ZNF577: variants seen among roughly 807,000 people sequenced by gnomAD.
The protein encoded by ZNF577 is zinc finger protein 577.
A neutral mutation model predicts 13.9 loss-of-function variants in ZNF577; 14 were observed. That is an observed-to-expected ratio of 1.00 (90% CI 0.66 to 1.57). The LOEUF is 1.57. Ranked by LOEUF, ZNF577 falls within the 40% of genes most tolerant of loss-of-function variation. ZNF577 has a pLI of 0.00. For missense variants in ZNF577, 555 were observed against 579.2 expected, an observed-to-expected ratio of 0.96 and a Z score of 0.43; for synonymous variants, 203 against 202.9, an observed-to-expected ratio of 1.00 and a Z score of 0.00.
At chr19:51,815,853 C>T (rs1246278060) in intron 9 of ZNF577, among the ~76,000 whole-genome samples, 1 of 146,374 alleles carries the variant, frequency 6.8e-6, no homozygotes. Context: ...TAGAATGAGA[C>T]CCTGTCTCAA....
At chr19:51,881,389 A>C (rs2084859513) in intron 1 of ZNF577, among the ~76,000 whole-genome samples, 1 of 151,802 alleles carries the variant, frequency 6.6e-6, no homozygotes, top group South Asian at 2.1e-4. Context: ...CATGCTCCTA[A>C]ATTTTTGGTT....
intron 9 of ZNF577, among the ~76,000 whole-genome samples, chr19:51,817,025 T>C (rs1475933686): frequency 6.6e-6 from 1 of 152,192 alleles, no homozygotes; most frequent in East Asian, 1.9e-4. Context: ...GACTCTCATA[T>C]TCCTTGACCC....
rs571479735 is a variant in ZNF577, at chr19:51,884,228, A to G, written c.-219+2593T>C. 4.6e-5 allele frequency among the ~76,000 whole-genome samples: 7 copies of G among 152,340 alleles called. No individual in the cohort carries two copies. In the South Asian group the frequency reaches 8.3e-4, roughly 18 times the overall value. On this transcript the variant is annotated intron_variant, in intron 1 of 5. Coordinates refer to ENST00000638348, the MANE Select transcript of ZNF577 (RefSeq NM_001370449.1). ...GGAGTTCAAGACCAGCCTGGGCAACATAGCAAGATCCTGTCTGTAAAAGAA... is the reference window on the plus strand; with the variant it reads ...GGAGTTCAAGACCAGCCTGGGCAACGTAGCAAGATCCTGTCTGTAAAAGAA...
At chr19:51,883,106 C>A (rs1259469185) in intron 1 of ZNF577, among the ~76,000 whole-genome samples, 1 of 151,616 alleles carries the variant, frequency 6.6e-6, no homozygotes, top group Non-Finnish European at 1.5e-5. Flanking sequence ...CAATTCTCTG[C>A]CTCAGCCTCC....
At chr19:51,875,496 A>C (rs549866958) in intron 5 of ZNF577, among the ~76,000 whole-genome samples, 26 of 152,316 alleles carry the variant, frequency 1.7e-4, no homozygotes, top group African/African-American at 6.3e-4. Context: ...ACGTGATCAA[A>C]TGCACAGATG....
rs7256273 is a variant in ZNF577 at position 51,871,124 on chromosome 19, G to A, written c.*1408C>T. 0.18 allele frequency among the ~76,000 whole-genome samples: 27,421 copies of A among 151,856 alleles called. 3,023 individuals are homozygous for A. The highest frequency in any genetic ancestry group is 0.33 in the South Asian group (1,611 of 4,816). On this transcript the variant is annotated 3_prime_UTR_variant, in exon 6 of 6. Coordinates refer to ENST00000638348, the MANE Select transcript of ZNF577 (RefSeq NM_001370449.1). ...AGTTTCTTTTCCCCCCTTTTTTAGA[G>A]TCAGAGTCTTATTCTGTCACCCACG... is the stretch of plus-strand genomic sequence containing the variant.
chr19:51,857,221 C>T (rs1404635175), intron 5 of ZNF577, among the ~76,000 whole-genome samples: 2 of 152,048 alleles, frequency 1.3e-5, no homozygotes, highest in East Asian at 3.9e-4. Flanking sequence ...ATCGCTTGAA[C>T]CCGGGAGGCG....
chr19:51,868,995 G>A lies in ZNF577; in HGVS notation c.*3537C>T, dbSNP rs964851806. Among the ~76,000 whole-genome samples, 3 of 152,150 alleles carry A rather than the reference G, an allele frequency of 2.0e-5. No homozygotes were observed. The highest frequency in any genetic ancestry group is 7.2e-5 in the African/African-American group (3 of 41,392). ...AGTCTCGAGTACCCAGGGACACAAT[G>A]CACTGCGGAAGGCCGCAGGGACCTC... On this transcript the variant is annotated 3_prime_UTR_variant, in exon 6 of 6. Coordinates refer to ENST00000638348, the MANE Select transcript of ZNF577 (RefSeq NM_001370449.1).
chr19:51,821,856 T>G (rs2084192415), intron 9 of ZNF577, among the ~76,000 whole-genome samples: 2 of 151,912 alleles, frequency 1.3e-5, no homozygotes, highest in Non-Finnish European at 2.9e-5. Context: ...CTGCCCACAA[T>G]GTTATTATGA....
intron 5 of ZNF577, among the ~76,000 whole-genome samples, chr19:51,859,353 T>C (rs1398752745): frequency 6.6e-6 from 1 of 152,164 alleles, no homozygotes; most frequent in Non-Finnish European, 1.5e-5. Context: ...TTCTCATGGG[T>C]ATTTTACTTA....
chr19:51,858,612 G>T (rs747041130), intron 5 of ZNF577, among the ~76,000 whole-genome samples: 7 of 152,176 alleles, frequency 4.6e-5, no homozygotes, highest in Non-Finnish European at 1.0e-4. Flanking sequence ...GCAAGATTTT[G>T]CTGGTACATT....
intron 5 of ZNF577, among the ~76,000 whole-genome samples, chr19:51,848,273 G>A (rs1599851823): frequency 6.6e-6 from 1 of 152,122 alleles, no homozygotes; most frequent in Non-Finnish European, 1.5e-5. Context: ...ACGCTGCCTC[G>A]TTCTTCTAAA....
In ZNF577 at chr19:51,872,987, A is replaced by G. The variant is rs1251049184; in HGVS notation, c.1003T>C (p.Phe335Leu). The change falls in exon 6 of 6, where the codon TTT (phenylalanine) becomes CTT (leucine). Residue 335 changes from phenylalanine to leucine, a missense_variant. Phe to Leu is a conservative substitution (Grantham distance 22). Coordinates refer to ENST00000638348, the MANE Select transcript of ZNF577 (RefSeq NM_001370449.1). Reference sequence around the variant, plus strand: ...TGAATGAGCTTCGACTTGCTTCTAAAGGCTTTTTCACACTCACTACATTCA... The same window carrying G: ...TGAATGAGCTTCGACTTGCTTCTAAGGGCTTTTTCACACTCACTACATTCA... ...PYECSECEKA[F>L]RSKSKLIQHQ... 6.2e-7 allele frequency: 1 copy of G among 1,614,162 alleles called. No homozygotes were observed. The highest frequency in any genetic ancestry group is 8.5e-7 in the Non-Finnish European group (1 of 1,180,032).
chr19:51,883,769 T>C (rs1022583118), intron 1 of ZNF577, among the ~76,000 whole-genome samples: 1 of 152,116 alleles, frequency 6.6e-6, no homozygotes, highest in Non-Finnish European at 1.5e-5. Context: ...GTGGACTAAC[T>C]ATTCAATGAA....
chr19:51,866,719 T>C (rs182681158), downstream of ZNF577, among the ~76,000 whole-genome samples: 13 of 152,328 alleles, frequency 8.5e-5, no homozygotes, highest in East Asian at 1.4e-3. Context: ...TGGTGGCTCA[T>C]GCCTATAATT....
At chr19:51,815,836 T>C (rs2084131579) in intron 9 of ZNF577, among the ~76,000 whole-genome samples, 1 of 147,794 alleles carries the variant, frequency 6.8e-6, no homozygotes, top group Non-Finnish European at 1.5e-5. Flanking sequence ...GACTCCAGCC[T>C]GGGTGATAGA....
rs1568453264 is a variant in ZNF577, at chr19:51,887,850, C to G, written c.-1248G>C. 1 of 152,268 alleles carries G rather than the reference C, an allele frequency of 6.6e-6. No individual in the cohort carries two copies. Among genetic ancestry groups the G allele is most frequent in the Non-Finnish European group, 1.5e-5 (1 of 68,076 alleles). 9.4% of individuals were successfully genotyped at this position (152,268 alleles called of 1,614,324 possible). On this transcript the variant is annotated 5_prime_UTR_variant, in exon 1 of 6. Coordinates refer to ENST00000638348, the MANE Select transcript of ZNF577 (RefSeq NM_001370449.1). ...CGCAGACCAGACCGATGACCTGTCT[C>G]CACTGCTGGAGGCGAGTCAGGGACC...
At chr19:51,809,756 T>C (rs990077956) in intron 10 of ZNF577, among the ~76,000 whole-genome samples, 1 of 152,204 alleles carries the variant, frequency 6.6e-6, no homozygotes, top group Non-Finnish European at 1.5e-5. Context: ...GATGGGTTTG[T>C]CTGCCCCAAC....
intron 1 of ZNF577, among the ~76,000 whole-genome samples, chr19:51,884,446 T>C (rs534139643): frequency 5.3e-5 from 8 of 152,112 alleles, no homozygotes; most frequent in Non-Finnish European, 8.8e-5. Context: ...TTGATAACCA[T>C]TGAAGCTAAG....
Sources: gnomAD v4.1 joint callset for allele counts (sites outside exome capture counted in the v4.1 genomes callset) on GRCh38, gnomAD v4.1.1 for gene constraint, MANE v1.5 for transcripts, NCBI Gene and HGNC (gene_info 2026-07-23, HGNC 2026-07-21) for gene names.